Variants in KAT5 observed in about 807,000 individuals in gnomAD.
KAT5 encodes lysine acetyltransferase 5.
A neutral mutation model predicts 68.1 loss-of-function variants in KAT5; 31 were observed. The observed-to-expected ratio is 0.46, with a 90% CI of 0.34 to 0.61. The LOEUF (loss-of-function observed/expected upper bound fraction) is 0.61. KAT5 is among the 20% of genes least tolerant of loss of function. KAT5 has a pLI of 0.01. For missense variants in KAT5, 451 were observed against 725.5 expected (o/e 0.62, Z 4.35); for synonymous variants, 365 against 292.6 (o/e 1.25, Z -2.52).
In KAT5 at chr11:65,712,634, A is replaced by G. The variant is rs762292206; in HGVS notation, c.179-132A>G. 1.0e-5 allele frequency: 13 copies of G among 1,258,572 alleles called. No individual in the cohort carries two copies. The Admixed American group carries it at 2.1e-4, about 21-fold the overall frequency. The allele number at this position is 1,258,572 out of a possible 1,614,324, so 78.0% of individuals were successfully genotyped here. ...GGCCTGGAAAGGGGTGGCACTTGTG[A>G]CTGAAGGAGGCTTAGGAGAGACCTA... On this transcript the variant is annotated intron_variant, in intron 1 of 12. Transcript: ENST00000341318.
rs767056692 is a variant in KAT5 at position 65,713,368 on chromosome 11, C to T, written c.405C>T (p.Ser135=). ...EREVPASAQA[S]GKTLPIPVQI... Reference sequence around the variant, plus strand: ...TACAGCCGGCCTCGGCGCAGGCCAGCGGGAAGACCTTGCCAATCCCGGTCC... The same window carrying T: ...TACAGCCGGCCTCGGCGCAGGCCAGTGGGAAGACCTTGCCAATCCCGGTCC... The change falls in exon 4 of 13, where the codon AGC becomes AGT. Residue 135 remains serine, a synonymous_variant. Coordinates refer to ENST00000341318, the MANE Select transcript of KAT5 (RefSeq NM_182710.3). 1.5e-5 allele frequency: 25 copies of T among 1,613,964 alleles called. No homozygotes were observed. Among genetic ancestry groups the T allele is most frequent in the South Asian group, 4.4e-5 (4 of 91,072 alleles).
Position 65,713,839 on chromosome 11 carries a change from C to T in KAT5, c.681C>T (p.Gly227=). The T allele has an allele frequency of 6.3e-7, 1 of 1,581,210 alleles. No homozygotes were observed. The highest frequency in any genetic ancestry group is 8.6e-7 in the Non-Finnish European group (1 of 1,163,200). ...PGRKRKSNCL[G]TDEDSQDSSD... ...GGAAGCGAAAATCGAATTGTTTGGG[C>T]ACTGATGAGGTGGGTCTGGGGAGCA... The change falls in exon 6 of 13, where the codon GGC becomes GGT. Residue 227 remains glycine, a synonymous_variant. Transcript: ENST00000341318.
At chr11:65,716,398 G>A (rs1354778639) in intron 8 of KAT5, 4 of 489,656 alleles carry the variant, frequency 8.2e-6, no homozygotes, top group African/African-American at 7.7e-5. Context: ...TAGAATGGAG[G>A]TGTGCGGAGC....
Position 65,712,459 on chromosome 11 carries a change from G to A in KAT5, c.178+14G>A, listed in dbSNP as rs781288835. 6.9e-6 allele frequency: 11 copies of A among 1,587,494 alleles called. No individual in the cohort carries two copies. Among genetic ancestry groups the A allele is most frequent in the African/African-American group, 1.4e-5 (1 of 72,970 alleles). On this transcript the variant is annotated intron_variant, in intron 1 of 12. Coordinates refer to ENST00000341318, the MANE Select transcript of KAT5 (RefSeq NM_182710.3). ...AAGATGAGTGGCGTGAGTGACGTTG[G>A]GGGGCGGGACTAAGGAACCTGAGGG...
At chr11:65,716,543 A>T in intron 8 of KAT5, 124 bp from the exon 9 acceptor site, 1 of 913,150 alleles carries the variant, frequency 1.1e-6, no homozygotes, top group Non-Finnish European at 1.7e-6. Flanking sequence ...CCAGCCAGGG[A>T]AGAACACTCA....
chr11:65,713,717 G>A, intron 5 of KAT5, 50 bp downstream of exon 5: 18 of 1,613,672 alleles, frequency 1.1e-5, no homozygotes, highest in Non-Finnish European at 1.5e-5. Context: ...CTACTCTCTG[G>A]TGGCTTTTTT....
chr11:65,716,221 T>A, intron 8 of KAT5: 1 of 166,948 alleles, frequency 6.0e-6, no homozygotes, highest in Non-Finnish European at 1.3e-5. Context: ...ATGTTAGGTT[T>A]TTTAACAGCT....
At chr11:65,716,837 CCT>C (rs757588146) in intron 9 of KAT5, 30 bp downstream of exon 9, 122 of 1,613,938 alleles carry the variant, frequency 7.6e-5, no homozygotes, top group Admixed American at 3.0e-4. Flanking sequence ...GTCCCTGTGC[CCT>C]GTCCTGAGCC....
intron 10 of KAT5, chr11:65,717,276 T>C: frequency 1.9e-6 from 1 of 518,770 alleles, no homozygotes; most frequent in Non-Finnish European, 3.5e-6. Flanking sequence ...GGCAGAAGGT[T>C]AGTGAGCCGC....
chr11:65,713,573 T>C lies in KAT5; in HGVS notation c.541-20T>C, dbSNP rs1857098270. ...ACCTTCTCTACCTTCTGACCCACCT[T>C]TGTTGGTTTCTCTCTGCAGAAACGG... On this transcript the variant is annotated intron_variant, in intron 4 of 12. Coordinates refer to ENST00000341318, the MANE Select transcript of KAT5 (RefSeq NM_182710.3). 6.2e-7 allele frequency: 1 copy of C among 1,614,092 alleles called. No individual in the cohort carries two copies. The highest frequency in any genetic ancestry group is 8.5e-7 in the Non-Finnish European group (1 of 1,179,992).
chr11:65,718,315 C>A, intron 10 of KAT5: 1 of 376,074 alleles, frequency 2.7e-6, no homozygotes, highest in Non-Finnish European at 4.8e-6. Context: ...CATCCCCTGC[C>A]CATAAGCCTT....
In KAT5 at chr11:65,713,392, C is replaced by T. The variant is rs1419193182; in HGVS notation, c.429C>T (p.Val143=). 3 of 1,614,098 alleles carry T rather than the reference C, an allele frequency of 1.9e-6. No homozygotes were observed. The highest frequency in any genetic ancestry group is 1.7e-5 in the Admixed American group (1 of 60,016). The part of the protein sequence containing the change: ...QASGKTLPIP[V]QITLRFNLPK... Reference sequence around the variant, plus strand: ...GCGGGAAGACCTTGCCAATCCCGGTCCAGATCACACTCCGCTTCAACCTGC... The same window carrying T: ...GCGGGAAGACCTTGCCAATCCCGGTTCAGATCACACTCCGCTTCAACCTGC... Residue 143 remains valine, a synonymous_variant, in exon 4 of 13, where the codon GTC becomes GTT. Coordinates refer to ENST00000341318, the MANE Select transcript of KAT5 (RefSeq NM_182710.3).
In KAT5 at chr11:65,714,654, C is replaced by G. The variant is rs753256055; in HGVS notation, c.850C>G (p.Pro284Ala). ...RLKPWYFSPY[P>A]QELTTLPVLY... The stretch of plus-strand genomic sequence containing the variant: ...CAAGCCGTGGTACTTCTCCCCGTAC[C>G]CACAGGAACTCACCACATTGCCTGT... Residue 284 changes from proline to alanine, a missense_variant, in exon 7 of 13, where the codon CCA (proline) becomes GCA (alanine). Physicochemically the swap from Pro to Ala is conservative, Grantham distance 27 (BLOSUM62 -1). Coordinates refer to ENST00000341318, the MANE Select transcript of KAT5 (RefSeq NM_182710.3). The G allele has an allele frequency of 6.2e-7, 1 of 1,614,208 alleles. No individual in the cohort carries two copies. Among genetic ancestry groups the G allele is most frequent in the Non-Finnish European group, 8.5e-7 (1 of 1,180,032 alleles).
intron 1 of KAT5, 160 bp from the exon 2 acceptor site, chr11:65,712,606 C>A: frequency 1.6e-6 from 2 of 1,212,474 alleles, no homozygotes; most frequent in African/African-American, 1.5e-5. Flanking sequence ...AGGTACAGGG[C>A]GGGGCCTGGA....
At chr11:65,716,452 C>T (rs189353678) in intron 8 of KAT5, 2 of 579,882 alleles carry the variant, frequency 3.4e-6, no homozygotes, top group East Asian at 2.9e-5. Context: ...CACTCAGACA[C>T]CATCACACAT....
chr11:65,715,246 T>C lies in KAT5; in HGVS notation c.1029+336T>C, dbSNP rs1308922091. ...GTGGATGACAAAGTGGCTGAGGGGA[T>C]TTCTTGCAGTGGTGTTCTGAAGAGT... On this transcript the variant is annotated intron_variant, in intron 8 of 12. Transcript: ENST00000341318. 1.2e-4 allele frequency: 40 copies of C among 345,348 alleles called. No homozygotes were observed. In the Admixed American group the frequency reaches 1.5e-3, roughly 13 times the overall value. 21.4% of individuals were successfully genotyped at this position (345,348 alleles called of 1,614,324 possible).
At chr11:65,716,446 C>CT (rs1857198451) in intron 8 of KAT5, 1 of 571,622 alleles carries the variant, frequency 1.7e-6, no homozygotes. Context: ...GGGAGGCACT[C>CT]AGACACCATC....
At position 65,719,397 on chromosome 11, in the gene KAT5, G is replaced by A. The variant is rs1174657035; in HGVS notation, c.*216G>A. On this transcript the variant is annotated 3_prime_UTR_variant, in exon 13 of 13. Transcript: ENST00000341318. ...CCAAGGTCAGCTGGCCACAGGCCCA[G>A]GCCTCCTCTGAAGCAGGGACCAGAG... 4 of 629,168 alleles carry A rather than the reference G, an allele frequency of 6.4e-6. No homozygotes were observed. Among genetic ancestry groups the A allele is most frequent in the Non-Finnish European group, 1.1e-5 (4 of 363,726 alleles). The allele number at this position is 629,168 out of a possible 1,614,324, so 39.0% of individuals were successfully genotyped here.
At position 65,719,378 on chromosome 11, in the gene KAT5, T is replaced by C; in HGVS notation, c.*197T>C. The C allele has an allele frequency of 1.5e-6, 1 of 672,164 alleles. No homozygotes were observed. Among genetic ancestry groups the C allele is most frequent in the East Asian group, 2.7e-5 (1 of 36,702 alleles). The allele number at this position is 672,164 out of a possible 1,614,324, so 41.6% of individuals were successfully genotyped here. ...CTCCGGGCTCAGACCAACTCCAAGG[T>C]CAGCTGGCCACAGGCCCAGGCCTCC... On this transcript the variant is annotated 3_prime_UTR_variant, in exon 13 of 13. Coordinates refer to ENST00000341318, the MANE Select transcript of KAT5 (RefSeq NM_182710.3).
Sources: allele counts gnomAD v4.1 joint callset, GRCh38; gene constraint gnomAD v4.1.1; transcripts MANE v1.5; gene names NCBI Gene and HGNC (gene_info 2026-07-23, HGNC 2026-07-21).